FRMD6: variants seen among roughly 807,000 people sequenced by gnomAD.
FRMD6 encodes FERM domain-containing protein 6.
Under a neutral mutation model 73.2 loss-of-function variants are expected in FRMD6, and 37 were observed. That is an observed-to-expected ratio of 0.51 (90% CI 0.39 to 0.66). The LOEUF is 0.66. Ranked by LOEUF, FRMD6 falls within the 30% of genes least tolerant of loss-of-function variation. The pLI is 0.00. For missense variants in FRMD6, 714 were observed against 780.5 expected, an observed-to-expected ratio of 0.91 and a Z score of 1.02; for synonymous variants, 273 against 282.2, an observed-to-expected ratio of 0.97 and a Z score of 0.33.
upstream of FRMD6, among the ~76,000 whole-genome samples, chr14:51,486,028 T>TTC: frequency 1.1e-5 from 1 of 91,576 alleles, no homozygotes; most frequent in Non-Finnish European, 2.5e-5. Context: ...CTTCCTTTTC[T>TTC]TTTTTTTTTT....
At chr14:51,480,663 C>T in the FRMD6 span, among the ~76,000 whole-genome samples, 8,553 of 152,078 alleles carry the variant, frequency 0.056, 521 homozygotes, top group Admixed American at 0.18. Flanking sequence ...ATCCTGACAC[C>T]GTACATCTAG....
At chr14:51,543,921 C>T (rs1166104946) in intron 1 of FRMD6, among the ~76,000 whole-genome samples, 1 of 152,000 alleles carries the variant, frequency 6.6e-6, no homozygotes, top group African/African-American at 2.4e-5. Context: ...GCACCATACT[C>T]TTGTTCAGCC....
intron 1 of FRMD6, among the ~76,000 whole-genome samples, chr14:51,491,036 A>G (rs1263146455): frequency 6.6e-6 from 1 of 152,080 alleles, no homozygotes; most frequent in African/African-American, 2.4e-5. Context: ...CCTCTCCCCA[A>G]AACCCTGGGA....
chr14:51,657,332 G>A (rs1423600340), intron 1 of FRMD6, among the ~76,000 whole-genome samples: 2 of 152,094 alleles, frequency 1.3e-5, no homozygotes. Flanking sequence ...TGGGCAACTA[G>A]CATCCAAATC....
At chr14:51,405,574 GT>G in the FRMD6 span, among the ~76,000 whole-genome samples, 16 of 146,800 alleles carry the variant, frequency 1.1e-4, no homozygotes, top group South Asian at 6.6e-4. Context: ...AGTGACTTGA[GT>G]TTTTTTTTTC....
At chr14:51,683,458 T>A (rs1024464951) in intron 1 of FRMD6, among the ~76,000 whole-genome samples, 8 of 144,892 alleles carry the variant, frequency 5.5e-5, no homozygotes, top group Non-Finnish European at 9.1e-5. Flanking sequence ...TTTTTTTTTT[T>A]AAACTTTTTT....
chr14:51,493,051 CAG>C (rs1292181238), intron 1 of FRMD6, among the ~76,000 whole-genome samples: 1 of 152,166 alleles, frequency 6.6e-6, no homozygotes, highest in Non-Finnish European at 1.5e-5. Context: ...AACTGAGACT[CAG>C]AAGATGCTGC....
intron 1 of FRMD6, among the ~76,000 whole-genome samples, chr14:51,518,858 T>C (rs1273756831): frequency 6.6e-6 from 1 of 152,208 alleles, no homozygotes; most frequent in Non-Finnish European, 1.5e-5. Flanking sequence ...AGCTGTCTTA[T>C]TATAGCAAAT....
chr14:51,463,403 AG>A, the FRMD6 span, among the ~76,000 whole-genome samples: 2 of 152,228 alleles, frequency 1.3e-5, no homozygotes, highest in Non-Finnish European at 2.9e-5. Context: ...GATTCAGTGT[AG>A]TACTTGGTGC....
chr14:51,399,373 TTCCTC>T, the FRMD6 span, among the ~76,000 whole-genome samples: 1 of 152,204 alleles, frequency 6.6e-6, no homozygotes, highest in South Asian at 2.1e-4. Context: ...ATCTACTACT[TTCCTC>T]TCTAGTAGAC....
At chr14:51,573,990 C>A (rs562924213) in intron 2 of FRMD6, among the ~76,000 whole-genome samples, 3 of 152,284 alleles carry the variant, frequency 2.0e-5, no homozygotes, top group Admixed American at 2.0e-4. Flanking sequence ...ATTCATCACC[C>A]TCTTCAACCT....
At chr14:51,586,754 T>C (rs1889074874) in intron 2 of FRMD6, among the ~76,000 whole-genome samples, 1 of 152,098 alleles carries the variant, frequency 6.6e-6, no homozygotes, top group African/African-American at 2.4e-5. Context: ...TTATTAATCA[T>C]TATTTTGGAC....
chr14:51,435,419 TA>T, the FRMD6 span, among the ~76,000 whole-genome samples: 142 of 132,296 alleles, frequency 1.1e-3, 1 homozygote, highest in Non-Finnish European at 5.4e-4. Flanking sequence ...CATCTCTATT[TA>T]AAAAAAAAAA....
intron 2 of FRMD6, among the ~76,000 whole-genome samples, chr14:51,598,014 G>A (rs1402875471): frequency 6.6e-6 from 1 of 152,170 alleles, no homozygotes; most frequent in Admixed American, 6.5e-5. Context: ...GGAATTTGAA[G>A]AAAAGGGCAA....
the FRMD6 span, among the ~76,000 whole-genome samples, chr14:51,471,240 A>G: frequency 2.0e-5 from 3 of 152,142 alleles, no homozygotes; most frequent in Non-Finnish European, 4.4e-5. Context: ...TTATAATCCT[A>G]GCACTTTGGG....
At chr14:51,659,755 T>C (rs995614983) in intron 1 of FRMD6, among the ~76,000 whole-genome samples, 4 of 152,214 alleles carry the variant, frequency 2.6e-5, no homozygotes, top group Admixed American at 6.5e-5. Context: ...GTTCCCTGTA[T>C]GGCTTCATGT....
chr14:51,444,239 A>G, the FRMD6 span, among the ~76,000 whole-genome samples: 1 of 152,164 alleles, frequency 6.6e-6, no homozygotes, highest in Middle Eastern at 3.2e-3. Flanking sequence ...GTGGGTTTTT[A>G]TCTAACAGAG....
chr14:51,407,882 T>C, the FRMD6 span, among the ~76,000 whole-genome samples: 1 of 152,306 alleles, frequency 6.6e-6, no homozygotes, highest in Non-Finnish European at 1.5e-5. Flanking sequence ...ATGCTTTATA[T>C]ATGCTTTGGC....
At chr14:51,587,991 AT>A (rs1200149596) in intron 2 of FRMD6, among the ~76,000 whole-genome samples, 4 of 151,858 alleles carry the variant, frequency 2.6e-5, no homozygotes, top group African/African-American at 9.7e-5. Flanking sequence ...GATTTTAGCT[AT>A]TTTTCCCCCA....
Sources: allele counts gnomAD v4.1 joint callset (sites outside exome capture counted in the v4.1 genomes callset), GRCh38; gene constraint gnomAD v4.1.1; transcripts MANE v1.5; gene names NCBI Gene and HGNC (gene_info 2026-07-23, HGNC 2026-07-21).